PDE4D: variants seen among roughly 807,000 people sequenced by gnomAD.
PDE4D encodes the protein 3',5'-cyclic-AMP phosphodiesterase 4D.
PDE4D carries 24 observed loss-of-function variants against 87.4 expected under a neutral mutation model. That is an observed-to-expected ratio of 0.27 (90% confidence interval 0.20 to 0.39). The LOEUF is 0.39. Ranked by LOEUF, PDE4D falls within the 10% of genes least tolerant of loss-of-function variation. The pLI is 1.00. For missense variants in PDE4D, 714 were observed against 1,041.0 expected (o/e 0.69, Z 4.32); for synonymous variants, 384 against 383.2 (o/e 1.00, Z -0.02).
At chr5:59,071,431 T>G (rs1412245633) in intron 5 of PDE4D, among the ~76,000 whole-genome samples, 1 of 151,978 alleles carries the variant, frequency 6.6e-6, no homozygotes, top group Non-Finnish European at 1.5e-5. Flanking sequence ...TTTGTATTTT[T>G]GCTCCATTTC....
intron 1 of PDE4D, among the ~76,000 whole-genome samples, chr5:59,656,124 T>C (rs1046043972): frequency 6.6e-6 from 1 of 151,990 alleles, no homozygotes; most frequent in African/African-American, 2.4e-5. Flanking sequence ...ACATTCCTCA[T>C]ACACAATCAC....
intron 1 of PDE4D, among the ~76,000 whole-genome samples, chr5:59,771,470 A>G (rs1763475685): frequency 3.2e-5 from 3 of 92,338 alleles, no homozygotes; most frequent in Non-Finnish European, 6.5e-5. Flanking sequence ...AGAAAGAAAG[A>G]AAGAAAGAAA....
chr5:59,612,901 G>A (rs1027967617), intron 1 of PDE4D, among the ~76,000 whole-genome samples: 2 of 152,130 alleles, frequency 1.3e-5, no homozygotes, highest in Admixed American at 6.5e-5. Context: ...GGAGGAGTAG[G>A]AGCTGAATCT....
At chr5:59,222,801 G>A (rs760537992) in intron 1 of PDE4D, among the ~76,000 whole-genome samples, 30 of 152,172 alleles carry the variant, frequency 2.0e-4, no homozygotes, top group Non-Finnish European at 2.9e-4. Flanking sequence ...TATTTTCTAG[G>A]CTTTCACTGC....
At chr5:59,422,382 G>A (rs867299748) in intron 1 of PDE4D, among the ~76,000 whole-genome samples, 3 of 152,264 alleles carry the variant, frequency 2.0e-5, no homozygotes, top group Middle Eastern at 6.8e-3. Flanking sequence ...TATGGGCCAA[G>A]TCCAAAGTCC....
chr5:60,217,567 A>C (rs1190474345), intron 1 of PDE4D, among the ~76,000 whole-genome samples: 1 of 151,932 alleles, frequency 6.6e-6, no homozygotes, highest in Non-Finnish European at 1.5e-5. Flanking sequence ...GATAAATTAG[A>C]CTTCCTTAAA....
At chr5:59,574,886 G>A (rs1360367692) in intron 1 of PDE4D, among the ~76,000 whole-genome samples, 2 of 152,168 alleles carry the variant, frequency 1.3e-5, no homozygotes, top group East Asian at 3.9e-4. Context: ...ATATAAAATA[G>A]TTATTGATAC....
intron 1 of PDE4D, among the ~76,000 whole-genome samples, chr5:59,859,184 AG>A (rs1745899687): frequency 6.6e-6 from 1 of 152,202 alleles, no homozygotes. Flanking sequence ...GCAAAATTTC[AG>A]GCTAATACCT....
chr5:60,026,311 C>A (rs1250402681), intron 2 of PDE4D, among the ~76,000 whole-genome samples: 2 of 152,094 alleles, frequency 1.3e-5, no homozygotes, highest in African/African-American at 4.8e-5. Flanking sequence ...TAGACAAGTG[C>A]TCCAATGACT....
intron 1 of PDE4D, among the ~76,000 whole-genome samples, chr5:59,399,703 A>C (rs531925261): frequency 7.8e-6 from 1 of 128,430 alleles, no homozygotes; most frequent in Admixed American, 7.7e-5. Context: ...CACCAAAAGC[A>C]ATGGCAACAA....
chr5:59,451,787 T>C (rs748361444), intron 1 of PDE4D, among the ~76,000 whole-genome samples: 5 of 152,196 alleles, frequency 3.3e-5, no homozygotes, highest in East Asian at 1.9e-4. Context: ...AGTAATTCTA[T>C]ACAATGCAGC....
intron 6 of PDE4D, among the ~76,000 whole-genome samples, chr5:59,035,430 A>G (rs1758329782): frequency 1.3e-5 from 2 of 152,380 alleles, no homozygotes; most frequent in African/African-American, 4.8e-5. Flanking sequence ...TTATCTAAGA[A>G]TTATAAAAAT....
chr5:59,403,635 G>T (rs760562994), intron 1 of PDE4D, among the ~76,000 whole-genome samples: 2 of 152,050 alleles, frequency 1.3e-5, no homozygotes, highest in Non-Finnish European at 2.9e-5. Flanking sequence ...CAAATGACAG[G>T]ATCTCATTTC....
At chr5:59,825,195 A>G (rs559315538) in intron 1 of PDE4D, among the ~76,000 whole-genome samples, 1 of 152,292 alleles carries the variant, frequency 6.6e-6, no homozygotes, top group African/African-American at 2.4e-5. Context: ...TTGGAGATAA[A>G]ATGTTAAGCA....
intron 3 of PDE4D, among the ~76,000 whole-genome samples, chr5:59,928,502 C>G (rs758252151): frequency 2.5e-4 from 38 of 152,112 alleles, no homozygotes; most frequent in African/African-American, 8.0e-4. Context: ...CACTTGAACC[C>G]AGGCGGTGGA....
intron 1 of PDE4D, among the ~76,000 whole-genome samples, chr5:59,619,089 A>C (rs192432028): frequency 6.6e-6 from 1 of 152,318 alleles, no homozygotes; most frequent in East Asian, 1.9e-4. Context: ...AGAATACTAG[A>C]GGTGAAACTG....
At chr5:60,394,220 A>G (rs2086891578) in intron 1 of PDE4D, among the ~76,000 whole-genome samples, 1 of 152,230 alleles carries the variant, frequency 6.6e-6, no homozygotes, top group Admixed American at 6.5e-5. Context: ...TAACACATAC[A>G]AAGAATTTTT....
In PDE4D at chr5:59,893,337, C is replaced by T. The variant is rs1357564218; in HGVS notation, c.286G>A (p.Ala96Thr). ...ACGCGGCCGGTGGCCCCGCTCGAGG[C>T]GTAGCGGCCGCGGGCAGCCCCGGGC... ...PPPGAARGRY[A>T]SSGATGRVRH... Residue 96 changes from alanine to threonine, a missense_variant, in exon 1 of 15, where the codon GCC becomes ACC. Ala to Thr is a moderately conservative substitution (Grantham distance 58, BLOSUM62 0). Around this residue, in one of 7 missense-constraint regions of PDE4D, gnomAD observed 268 missense variants for 272.9 expected, o/e 0.98. Transcript: ENST00000340635. 13 of 1,482,038 alleles carry T rather than the reference C, an allele frequency of 8.8e-6. No homozygotes were observed. The highest frequency in any genetic ancestry group is 1.1e-5 in the Non-Finnish European group (12 of 1,112,074). 91.8% of individuals were successfully genotyped at this position (1,482,038 alleles called of 1,614,324 possible).
intron 1 of PDE4D, among the ~76,000 whole-genome samples, chr5:59,479,876 G>A (rs1803949357): frequency 6.6e-6 from 1 of 152,020 alleles, no homozygotes; most frequent in African/African-American, 2.4e-5. Flanking sequence ...AGACAGTACT[G>A]AACTCATAAA....
Sources: allele counts gnomAD v4.1 joint callset (sites outside exome capture counted in the v4.1 genomes callset), GRCh38; gene constraint gnomAD v4.1.1; regional missense constraint gnomAD v4.1.1; transcripts MANE v1.5; gene names NCBI Gene and HGNC (gene_info 2026-07-23, HGNC 2026-07-21).